TMTC2: variants seen among roughly 807,000 people sequenced by gnomAD.
TMTC2 encodes the protein transmembrane O-mannosyltransferase targeting cadherins 2.
TMTC2 carries 43 observed loss-of-function variants against 82.4 expected under a neutral mutation model. The observed-to-expected ratio is 0.52, with a 90% CI of 0.41 to 0.67. The LOEUF is 0.67. Among genes scored for constraint, TMTC2 ranks in the 30% least tolerant of loss-of-function variants. The pLI is 0.00. For synonymous variants in TMTC2, 408 were observed against 381.9 expected (o/e 1.07, Z -0.80); for missense variants, 919 against 1,012.4 (o/e 0.91, Z 1.25).
chr12:82,719,085 A>ATATATTTT (rs1282211374), intron 1 of TMTC2, among the ~76,000 whole-genome samples: 13 of 41,414 alleles, frequency 3.1e-4, no homozygotes, highest in Admixed American at 4.9e-4. Context: ...ATATATATAT[A>ATATATTTT]TTTTTTTTTT....
At chr12:82,900,510 C>T (rs1470668877) in intron 3 of TMTC2, among the ~76,000 whole-genome samples, 15 of 71,876 alleles carry the variant, frequency 2.1e-4, no homozygotes, top group Admixed American at 1.9e-4. Flanking sequence ...TATACATATC[C>T]GGAATATAGA....
intron 9 of TMTC2, among the ~76,000 whole-genome samples, chr12:83,038,024 A>G (rs1444324624): frequency 3.3e-5 from 5 of 151,792 alleles, no homozygotes; most frequent in East Asian, 1.9e-4. Flanking sequence ...ATTCTCAGCA[A>G]ACTATCGCAA....
chr12:82,741,495 G>A (rs1875406228), intron 1 of TMTC2, among the ~76,000 whole-genome samples: 1 of 152,120 alleles, frequency 6.6e-6, no homozygotes. Context: ...ATTTTTAGTA[G>A]AGATGGGGTT....
At chr12:83,019,391 C>T (rs1480500977) in intron 8 of TMTC2, among the ~76,000 whole-genome samples, 1 of 152,080 alleles carries the variant, frequency 6.6e-6, no homozygotes, top group Non-Finnish European at 1.5e-5. Context: ...AACATACCTT[C>T]CTGCAGTTAC....
chr12:82,779,022 G>A (rs184661718), intron 1 of TMTC2, among the ~76,000 whole-genome samples: 2,125 of 144,258 alleles, frequency 0.015, 64 homozygotes, highest in African/African-American at 0.054. Flanking sequence ...GGGCGACAGA[G>A]CGAGACTCCA....
At chr12:82,725,750 G>A (rs565695510) in intron 1 of TMTC2, among the ~76,000 whole-genome samples, 2 of 152,314 alleles carry the variant, frequency 1.3e-5, no homozygotes, top group African/African-American at 4.8e-5. Flanking sequence ...GAAACCAGGG[G>A]TGGGTGGGGC....
At chr12:83,068,268 A>G (rs916901461) in intron 11 of TMTC2, among the ~76,000 whole-genome samples, 1 of 152,110 alleles carries the variant, frequency 6.6e-6, no homozygotes, top group Admixed American at 6.6e-5. Context: ...TAATTGAGCT[A>G]TTATTAATTG....
At chr12:82,960,483 C>A (rs1877869490) in intron 4 of TMTC2, among the ~76,000 whole-genome samples, 1 of 152,046 alleles carries the variant, frequency 6.6e-6, no homozygotes, top group Non-Finnish European at 1.5e-5. Context: ...TGTAACATGG[C>A]TGCAGCTGGA....
At chr12:83,028,008 C>T (rs925967074) in intron 8 of TMTC2, among the ~76,000 whole-genome samples, 3 of 152,094 alleles carry the variant, frequency 2.0e-5, no homozygotes, top group Admixed American at 2.0e-4. Context: ...CAGTGCTTTA[C>T]TGATGATAGC....
rs114074459 is a variant in TMTC2 at position 82,891,719 on chromosome 12, C to T, written c.655-4099C>T. 5.1e-3 allele frequency among the ~76,000 whole-genome samples: 781 copies of T among 151,904 alleles called. 4 individuals are homozygous for T. The highest frequency in any genetic ancestry group is 0.018 in the African/African-American group (744 of 41,380). On this transcript the variant is annotated intron_variant, in intron 2 of 11. Transcript: ENST00000321196. ...TAATTTTTATTTTTATTTTAAGTTC[C>T]TGGGTACATGTGCAGGATATACAGG... is the stretch of plus-strand genomic sequence containing the variant.
intron 2 of TMTC2, among the ~76,000 whole-genome samples, chr12:82,858,057 A>G (rs772081041): frequency 6.6e-6 from 1 of 152,186 alleles, no homozygotes; most frequent in Non-Finnish European, 1.5e-5. Context: ...TGGGAAGTCA[A>G]ATTCTTAAAC....
intron 10 of TMTC2, among the ~76,000 whole-genome samples, chr12:83,059,452 C>A (rs753780457): frequency 6.6e-6 from 1 of 151,646 alleles, no homozygotes; most frequent in Non-Finnish European, 1.5e-5. Context: ...CCATGTTCTG[C>A]CATAAACACA....
rs1555177396 is a variant in TMTC2 at position 82,696,963 on chromosome 12, C to CGT, written c.83+9295_83+9296dup. Among the ~76,000 whole-genome samples the CGT allele has an allele frequency of 5.5e-4, 67 of 121,368 alleles. No individual in the cohort carries two copies. The East Asian group carries it at 7.1e-3, about 13-fold the overall frequency. The allele number at this position is 121,368 out of a possible 152,430, so 79.6% of individuals were successfully genotyped here. ...AGCTCTCTTTCTACATACATACATA[C>CGT]GTATATATATATATATATATGTTTC... On this transcript the variant is annotated intron_variant, in intron 1 of 11. Transcript: ENST00000321196.
At chr12:82,774,010 C>T (rs1267452398) in intron 1 of TMTC2, among the ~76,000 whole-genome samples, 1 of 151,924 alleles carries the variant, frequency 6.6e-6, no homozygotes, top group Non-Finnish European at 1.5e-5. Flanking sequence ...ATTGCCCTGC[C>T]AATGGTTAGG....
intron 9 of TMTC2, among the ~76,000 whole-genome samples, chr12:83,034,054 G>T (rs1424979552): frequency 2.0e-5 from 3 of 151,550 alleles, no homozygotes; most frequent in African/African-American, 7.3e-5. Context: ...TTCATGTCAT[G>T]ACTTAGCTTA....
intron 1 of TMTC2, among the ~76,000 whole-genome samples, chr12:82,816,968 G>C (rs1288505101): frequency 3.0e-5 from 4 of 135,262 alleles, no homozygotes; most frequent in Admixed American, 7.4e-5. Context: ...TTCTTTCTTT[G>C]TTTTTTTTTT....
intron 11 of TMTC2, among the ~76,000 whole-genome samples, chr12:83,084,017 C>G (rs553793669): frequency 8.5e-5 from 13 of 152,318 alleles, no homozygotes; most frequent in African/African-American, 2.9e-4. Context: ...CACGTATCCT[C>G]TGGGTCTTTT....
intron 1 of TMTC2, among the ~76,000 whole-genome samples, chr12:82,816,357 T>C (rs1868722271): frequency 6.6e-6 from 1 of 152,060 alleles, no homozygotes; most frequent in Non-Finnish European, 1.5e-5. Context: ...AAGATATCCA[T>C]TTGATACATA....
Position 83,132,336 on chromosome 12 carries a change from C to A in TMTC2, c.2458C>A (p.Arg820Ser). The A allele has an allele frequency of 6.2e-7, 1 of 1,614,044 alleles. No individual in the cohort carries two copies. The change falls in exon 12 of 12, where the codon CGC becomes AGC. Residue 820 changes from arginine to serine, a missense_variant. Arg to Ser is a moderately radical substitution (Grantham distance 110, BLOSUM62 -1). Coordinates refer to ENST00000321196, the MANE Select transcript of TMTC2 (RefSeq NM_152588.3). ...PDDVITQSNL[R>S]KLWNIMEKQG... is the part of the protein sequence containing the mutation. ...CGATGTCATCACACAGTCCAATCTC[C>A]GCAAACTGTGGAACATCATGGAAAA...
Sources: allele counts gnomAD v4.1 joint callset (sites outside exome capture counted in the v4.1 genomes callset), GRCh38; gene constraint gnomAD v4.1.1; transcripts MANE v1.5; gene names NCBI Gene and HGNC (gene_info 2026-07-23, HGNC 2026-07-21).